Variants in ACTR3C observed in about 807,000 individuals in gnomAD.
ACTR3C encodes the protein actin-related protein 3C.
ACTR3C carries 18 observed loss-of-function variants against 26.3 expected under a neutral mutation model. That is an observed-to-expected ratio of 0.68 (90% CI 0.47 to 1.01). The LOEUF is 1.01. ACTR3C is among the 50% of genes least tolerant of loss of function. ACTR3C has a pLI of 0.00. For missense variants in ACTR3C, 184 were observed against 250.7 expected (o/e 0.73, Z 1.80); for synonymous variants, 55 against 94.5 (o/e 0.58, Z 2.42).
At chr7:150,288,539 T>C (rs905181759) in intron 4 of ACTR3C, among the ~76,000 whole-genome samples, 1 of 143,894 alleles carries the variant, frequency 6.9e-6, no homozygotes, top group Non-Finnish European at 1.5e-5. Flanking sequence ...TGAGCCACTA[T>C]GAAGGGGCTC....
At chr7:150,235,653 C>T in the ACTR3C span, among the ~76,000 whole-genome samples, 1 of 152,184 alleles carries the variant, frequency 6.6e-6, no homozygotes, top group East Asian at 1.9e-4. Flanking sequence ...AGCCTCACGT[C>T]GTTGGGTTCA....
the ACTR3C span, among the ~76,000 whole-genome samples, chr7:150,041,646 CT>C: frequency 0.22 from 19,863 of 88,690 alleles, 3,819 homozygotes; most frequent in East Asian, 0.41. Context: ...CTCCCCCCCC[CT>C]GCGATGAGGG....
At chr7:150,101,467 G>A in the ACTR3C span, among the ~76,000 whole-genome samples, 4 of 151,696 alleles carry the variant, frequency 2.6e-5, no homozygotes, top group Non-Finnish European at 5.9e-5. Flanking sequence ...TGACCCTTGT[G>A]ACTCAGAAGC....
the ACTR3C span, among the ~76,000 whole-genome samples, chr7:150,209,335 GT>G: frequency 6.9e-6 from 1 of 145,804 alleles, no homozygotes; most frequent in African/African-American, 2.7e-5. Flanking sequence ...AGAGAGAGAA[GT>G]GGAAGCAGGG....
the ACTR3C span, among the ~76,000 whole-genome samples, chr7:149,892,018 C>G: frequency 7.5e-6 from 1 of 133,076 alleles, no homozygotes; most frequent in African/African-American, 2.6e-5. Context: ...GGGAGGGGAT[C>G]TTGCTTTCAT....
At chr7:150,266,451 T>G (rs1247326749) in intron 6 of ACTR3C, among the ~76,000 whole-genome samples, 1 of 151,658 alleles carries the variant, frequency 6.6e-6, no homozygotes, top group Non-Finnish European at 1.5e-5. Flanking sequence ...CTGAGTTAAA[T>G]GTAAGGGCTA....
the ACTR3C span, among the ~76,000 whole-genome samples, chr7:150,147,233 G>C: frequency 1.3e-5 from 2 of 152,104 alleles, no homozygotes; most frequent in African/African-American, 4.8e-5. Context: ...CCACAAAGAA[G>C]ATGTAATTTT....
intron 6 of ACTR3C, among the ~76,000 whole-genome samples, chr7:150,255,525 C>T (rs1446147255): frequency 6.7e-6 from 1 of 150,254 alleles, no homozygotes; most frequent in Non-Finnish European, 1.5e-5. Flanking sequence ...CCTACCCACT[C>T]CCTTCAGAGT....
chr7:150,289,100 T>C (rs532948830), intron 4 of ACTR3C, among the ~76,000 whole-genome samples: 174 of 151,962 alleles, frequency 1.1e-3, no homozygotes, highest in African/African-American at 4.1e-3. Context: ...TCTGCTGCTG[T>C]GGTCGCCTCC....
At chr7:150,143,204 C>G in the ACTR3C span, among the ~76,000 whole-genome samples, 4 of 151,954 alleles carry the variant, frequency 2.6e-5, no homozygotes, top group Non-Finnish European at 5.9e-5. Flanking sequence ...GCCAATGGTA[C>G]GGAAAGCTGT....
At chr7:150,082,339 A>T in the ACTR3C span, among the ~76,000 whole-genome samples, 2 of 152,168 alleles carry the variant, frequency 1.3e-5, no homozygotes, top group Non-Finnish European at 2.9e-5. Context: ...TTTTTACACC[A>T]GCAGCCATTT....
At chr7:150,219,813 C>T in the ACTR3C span, among the ~76,000 whole-genome samples, 1 of 145,056 alleles carries the variant, frequency 6.9e-6, no homozygotes, top group Non-Finnish European at 1.5e-5. Context: ...GGGAGAGCCC[C>T]GCGCGCGCTT....
chr7:150,251,903 T>C (rs990345027), intron 6 of ACTR3C, among the ~76,000 whole-genome samples: 13 of 152,284 alleles, frequency 8.5e-5, no homozygotes, highest in African/African-American at 3.1e-4. Flanking sequence ...GAAATAAATA[T>C]AAAGCAAGGT....
chr7:150,026,128 T>C, the ACTR3C span, among the ~76,000 whole-genome samples: 11 of 152,012 alleles, frequency 7.2e-5, 1 homozygote, highest in African/African-American at 2.7e-4. Flanking sequence ...TTCTCCTTTT[T>C]CCAGCAGCCC....
At chr7:150,103,610 C>T in the ACTR3C span, among the ~76,000 whole-genome samples, 2 of 151,670 alleles carry the variant, frequency 1.3e-5, no homozygotes, top group African/African-American at 4.9e-5. Context: ...ATTCAGACAT[C>T]CTGAAGTAGT....
chr7:150,136,721 G>C, the ACTR3C span, among the ~76,000 whole-genome samples: 1 of 150,334 alleles, frequency 6.7e-6, no homozygotes, highest in Non-Finnish European at 1.5e-5. Flanking sequence ...AGACCTGAAA[G>C]TCAGTACAAG....
At chr7:150,221,998 C>CAAAAAAAAAAAAAA in the ACTR3C span, among the ~76,000 whole-genome samples, 22 of 79,796 alleles carry the variant, frequency 2.8e-4, no homozygotes, top group African/African-American at 1.2e-3. Flanking sequence ...ACTCCGTCTC[C>CAAAAAAAAAAAAAA]AAAAAAAAAA....
chr7:150,173,399 A>G, the ACTR3C span, among the ~76,000 whole-genome samples: 1 of 146,772 alleles, frequency 6.8e-6, no homozygotes, highest in East Asian at 1.9e-4. Context: ...CCTTTCAGCC[A>G]TGGCTGGAGT....
chr7:149,984,714 C>T, the ACTR3C span, among the ~76,000 whole-genome samples: 12 of 151,914 alleles, frequency 7.9e-5, no homozygotes, highest in East Asian at 1.9e-4. Context: ...CCACTGTCCA[C>T]GTCATCCAAA....
Sources: allele counts gnomAD v4.1 joint callset (sites outside exome capture counted in the v4.1 genomes callset), GRCh38; gene constraint gnomAD v4.1.1; transcripts MANE v1.5; gene names NCBI Gene and HGNC (gene_info 2026-07-23, HGNC 2026-07-21).